The following NT5C1A variants were observed in gnomAD, a reference collection of about 807,000 sequenced individuals.
NT5C1A encodes cytosolic 5'-nucleotidase 1A.
NT5C1A carries 18 observed loss-of-function variants against 31.0 expected under a neutral mutation model. That is an observed-to-expected ratio of 0.58 (90% CI 0.40 to 0.86). NT5C1A has a LOEUF of 0.86. NT5C1A is among the 40% of genes least tolerant of loss of function. The probability of loss-of-function intolerance (pLI) is 0.00; values close to 1 mark genes in which losing one functional copy is unlikely to be tolerated. For synonymous variants in NT5C1A, 185 were observed against 203.6 expected (o/e 0.91, Z 0.78); for missense variants, 470 against 505.4 (o/e 0.93, Z 0.67).
intron 3 of NT5C1A, among the ~76,000 whole-genome samples, chr1:39,665,239 G>T (rs1357770937): frequency 2.0e-5 from 3 of 152,208 alleles, no homozygotes; most frequent in Non-Finnish European, 4.4e-5. Context: ...GGACTGGCTT[G>T]CAAGAGCCCA....
intron 4 of NT5C1A, among the ~76,000 whole-genome samples, chr1:39,662,125 C>T (rs1181677478): frequency 6.6e-6 from 1 of 152,228 alleles, no homozygotes; most frequent in African/African-American, 2.4e-5. Context: ...TGGCCGAGCT[C>T]ATTCCCTAGT....
chr1:39,668,839 G>A (rs1241314916), intron 1 of NT5C1A, among the ~76,000 whole-genome samples: 1 of 152,236 alleles, frequency 6.6e-6, no homozygotes, highest in African/African-American at 2.4e-5. Flanking sequence ...TTAGACTGCT[G>A]TGACACAGTA....
In NT5C1A at chr1:39,654,945, CT is replaced by C. The variant is rs969188493; in HGVS notation, c.*4175del. Among the ~76,000 whole-genome samples the C allele has an allele frequency of 6.2e-4, 91 of 147,430 alleles. No homozygotes were observed. The highest frequency in any genetic ancestry group is 1.8e-3 in the East Asian group (9 of 5,046). On this transcript the variant is annotated 3_prime_UTR_variant, in exon 6 of 6. Transcript: ENST00000235628. ...ATGTTCTAATCAAAGTTTCTTTTAT[CT>C]TTTTTTTTTTCTTTGAGACGGAGTC... is the stretch of plus-strand genomic sequence containing the variant.
rs1056527983 is a variant in NT5C1A, at chr1:39,655,916, G to A, written c.*3205C>T. 2.0e-5 allele frequency among the ~76,000 whole-genome samples: 3 copies of A among 152,144 alleles called. No individual in the cohort carries two copies. Among genetic ancestry groups the A allele is most frequent in the Non-Finnish European group, 4.4e-5 (3 of 68,030 alleles). ...GGCTGTACTGGTGCACACCAATTGA[G>A]TGTCATTATAATGCCAAATCCATCT... On this transcript the variant is annotated 3_prime_UTR_variant, in exon 6 of 6. Transcript: ENST00000235628.
rs954873593 is a variant in NT5C1A, at chr1:39,671,877, C to A, written c.135+27G>T. On this transcript the variant is annotated intron_variant, in intron 1 of 5. Transcript: ENST00000235628. The stretch of plus-strand genomic sequence containing the variant: ...CCTCCGGGGTAACCCTTCCCCCGTC[C>A]CCCGCATACCCGTGCATTGCTTTTA... 3 of 1,611,660 alleles carry A rather than the reference C, an allele frequency of 1.9e-6. No individual in the cohort carries two copies. In the South Asian group the frequency reaches 3.3e-5, roughly 18 times the overall value.
intron 1 of NT5C1A, among the ~76,000 whole-genome samples, chr1:39,671,240 G>T (rs1315733684): frequency 6.6e-6 from 1 of 152,210 alleles, no homozygotes; most frequent in African/African-American, 2.4e-5. Context: ...CCAGACGGTT[G>T]ACACCACCAC....
rs1203469062 is a variant in NT5C1A at position 39,653,113 on chromosome 1, G to A, written c.*6008C>T. On this transcript the variant is annotated 3_prime_UTR_variant, in exon 6 of 6. Coordinates refer to ENST00000235628, the MANE Select transcript of NT5C1A (RefSeq NM_032526.3). ...GGGAAGAAACAAATGGAGATGATGA[G>A]GCAGGTATAGTCAAAAGGATTGCCC... Among the ~76,000 whole-genome samples, 9 of 152,092 alleles carry A rather than the reference G, an allele frequency of 5.9e-5. No individual in the cohort carries two copies. Among genetic ancestry groups the A allele is most frequent in the African/African-American group, 2.2e-4 (9 of 41,390 alleles).
In NT5C1A at chr1:39,653,096, A is replaced by G. The variant is rs1241229483; in HGVS notation, c.*6025T>C. Among the ~76,000 whole-genome samples the G allele has an allele frequency of 1.3e-5, 2 of 152,130 alleles. No homozygotes were observed. The highest frequency in any genetic ancestry group is 2.4e-5 in the African/African-American group (1 of 41,416). On this transcript the variant is annotated 3_prime_UTR_variant, in exon 6 of 6. Transcript: ENST00000235628. ...TGGCACTGTTAGGGGGAGGGAAGAAACAAATGGAGATGATGAGGCAGGTAT... is the reference window on the plus strand; with the variant it reads ...TGGCACTGTTAGGGGGAGGGAAGAAGCAAATGGAGATGATGAGGCAGGTAT...
At chr1:39,666,773 C>T (rs1646526207) in intron 1 of NT5C1A, among the ~76,000 whole-genome samples, 1 of 152,176 alleles carries the variant, frequency 6.6e-6, no homozygotes, top group Admixed American at 6.5e-5. Flanking sequence ...TTCCCATCAC[C>T]TTCTCCCCTC....
chr1:39,658,999 A>C lies in NT5C1A; in HGVS notation c.*122T>G. 2.3e-6 allele frequency: 3 copies of C among 1,317,990 alleles called. No homozygotes were observed. The highest frequency in any genetic ancestry group is 3.1e-6 in the Non-Finnish European group (3 of 969,434). 81.6% of individuals were successfully genotyped at this position (1,317,990 alleles called of 1,614,324 possible). On this transcript the variant is annotated 3_prime_UTR_variant, in exon 6 of 6. Coordinates refer to ENST00000235628, the MANE Select transcript of NT5C1A (RefSeq NM_032526.3). ...AATTTCCTACAAGTACATCACTCAT[A>C]GGGATGAGGGCAGACAGGCAGAAGG...
intron 1 of NT5C1A, among the ~76,000 whole-genome samples, chr1:39,670,876 C>CA (rs1570463882): frequency 6.6e-6 from 1 of 152,098 alleles, no homozygotes; most frequent in African/African-American, 2.4e-5. Context: ...TACTCCCCCC[C>CA]CAACTCCCCT....
chr1:39,661,032 G>A, intron 5 of NT5C1A, 47 bp downstream of exon 5: 1 of 1,202,012 alleles, frequency 8.3e-7, no homozygotes, highest in Non-Finnish European at 1.2e-6. Context: ...GGCAGGTCTG[G>A]GGAGCTGCCT....
chr1:39,661,889 C>T (rs1405084595), intron 4 of NT5C1A, among the ~76,000 whole-genome samples: 5 of 152,166 alleles, frequency 3.3e-5, no homozygotes, highest in Non-Finnish European at 5.9e-5. Context: ...AGTCTACAGC[C>T]ACAATGACAC....
At chr1:39,670,421 C>T (rs1282676800) in intron 1 of NT5C1A, among the ~76,000 whole-genome samples, 2 of 152,224 alleles carry the variant, frequency 1.3e-5, no homozygotes, top group African/African-American at 4.8e-5. Context: ...AAATCTGCAG[C>T]ACAAGCTAGT....
intron 1 of NT5C1A, 99 bp downstream of exon 1, chr1:39,671,805 T>C: frequency 2.7e-6 from 4 of 1,458,054 alleles, no homozygotes; most frequent in Non-Finnish European, 2.8e-6. Context: ...CTGCGTCCCC[T>C]CCCAGAGGGG....
rs1413001372 is a variant in NT5C1A, at chr1:39,665,615, C to T, written c.339G>A (p.Leu113=). ...CGAAGACGTCCTCACTATCAGGGTA[C>T]AGCTCCCGCAGCCGCCTGTTCACGG... The part of the protein sequence containing the change: ...LEAVNRRLRE[L]YPDSEDVFDI... The change falls in exon 3 of 6, where the codon CTG becomes CTA. Residue 113 remains leucine (L), a synonymous_variant. Coordinates refer to ENST00000235628, the MANE Select transcript of NT5C1A (RefSeq NM_032526.3). 1 of 1,613,272 alleles carries T rather than the reference C, an allele frequency of 6.2e-7. No homozygotes were observed.
At chr1:39,671,870 C>T in intron 1 of NT5C1A, 34 bp downstream of exon 1, 1 of 1,611,234 alleles carries the variant, frequency 6.2e-7, no homozygotes, top group Admixed American at 1.7e-5. Flanking sequence ...GTAACCCTTC[C>T]CCCGTCCCCC....
In NT5C1A at chr1:39,653,206, C is replaced by G. The variant is rs1001951862; in HGVS notation, c.*5915G>C. On this transcript the variant is annotated 3_prime_UTR_variant, in exon 6 of 6. Coordinates refer to ENST00000235628, the MANE Select transcript of NT5C1A (RefSeq NM_032526.3). ...GGGTAGGAGGCAGAGGGTTAGGAGCCAAGACTTTCTTGGCCAGAGGTTGGG... is the reference window on the plus strand; with the variant it reads ...GGGTAGGAGGCAGAGGGTTAGGAGCGAAGACTTTCTTGGCCAGAGGTTGGG... 3.3e-5 allele frequency among the ~76,000 whole-genome samples: 5 copies of G among 151,646 alleles called. No individual in the cohort carries two copies. Among genetic ancestry groups the G allele is most frequent in the Non-Finnish European group, 7.4e-5 (5 of 67,950 alleles).
At chr1:39,668,307 A>T (rs1033398574) in intron 1 of NT5C1A, among the ~76,000 whole-genome samples, 1 of 152,160 alleles carries the variant, frequency 6.6e-6, no homozygotes, top group Non-Finnish European at 1.5e-5. Context: ...CAGCCCCATT[A>T]GGCAGGTTCC....
Sources: allele counts gnomAD v4.1 joint callset (sites outside exome capture counted in the v4.1 genomes callset), GRCh38; gene constraint gnomAD v4.1.1; transcripts MANE v1.5; gene names NCBI Gene and HGNC (gene_info 2026-07-23, HGNC 2026-07-21).